GRID1: variants seen among roughly 807,000 people sequenced by gnomAD.
The protein encoded by GRID1 is glutamate ionotropic receptor delta type subunit 1.
In GRID1, 28 loss-of-function variants were observed where a neutral mutation model predicts 98.0. That is an observed-to-expected ratio of 0.29 (90% confidence interval 0.21 to 0.39). The LOEUF (loss-of-function observed/expected upper bound fraction) is 0.39, where lower values mean the gene tolerates loss of function less well. Among genes scored for constraint, GRID1 ranks in the 10% least tolerant of loss-of-function variants. GRID1 has a pLI of 1.00. For missense variants in GRID1, 1,111 were observed against 1,340.5 expected (o/e 0.83, Z 2.67); for synonymous variants, 553 against 538.5 (o/e 1.03, Z -0.37).
intron 8 of GRID1, among the ~76,000 whole-genome samples, chr10:85,791,524 T>C (rs1322855272): frequency 4.6e-5 from 7 of 152,108 alleles, no homozygotes; most frequent in Non-Finnish European, 1.0e-4. Context: ...CCCTACACTT[T>C]CTGAAACAGG....
intron 2 of GRID1, among the ~76,000 whole-genome samples, chr10:86,306,754 T>A (rs1486716280): frequency 6.6e-6 from 1 of 152,208 alleles, no homozygotes; most frequent in African/African-American, 2.4e-5. Flanking sequence ...CTGAGGACCA[T>A]GTTGACATTA....
At chr10:86,280,229 T>A (rs1847337529) in intron 2 of GRID1, among the ~76,000 whole-genome samples, 1 of 152,178 alleles carries the variant, frequency 6.6e-6, no homozygotes, top group African/African-American at 2.4e-5. Context: ...AAGATCAATA[T>A]ATAAAACTCA....
At chr10:85,983,876 G>A (rs937680883) in intron 4 of GRID1, among the ~76,000 whole-genome samples, 4 of 152,088 alleles carry the variant, frequency 2.6e-5, no homozygotes, top group African/African-American at 4.8e-5. Context: ...TAAAGAAAAG[G>A]CCCTTTCTTT....
At chr10:86,276,847 C>T (rs142596114) in intron 2 of GRID1, among the ~76,000 whole-genome samples, 328 of 151,394 alleles carry the variant, frequency 2.2e-3, no homozygotes, top group South Asian at 8.6e-3. Flanking sequence ...AGCAGTGGGA[C>T]GACATATTTC....
At chr10:86,150,197 G>A (rs994146669) in intron 3 of GRID1, among the ~76,000 whole-genome samples, 2 of 152,218 alleles carry the variant, frequency 1.3e-5, no homozygotes, top group Non-Finnish European at 2.9e-5. Context: ...GCCTCTCGGG[G>A]CAGGAGCAAG....
rs1843211411 is a variant in GRID1 at position 85,865,916 on chromosome 10, T to TATATATATATATATATATATATACAC, written c.951+3093_951+3094insGTGTATATATATATATATATATATAT. 1.6e-4 allele frequency among the ~76,000 whole-genome samples: 13 copies of TATATATATATATATATATATATACAC among 83,030 alleles called. 1 individual carries two copies. The highest frequency in any genetic ancestry group is 6.8e-3 in the Middle Eastern group (1 of 146). The allele number at this position is 83,030 out of a possible 152,430, so 54.5% of individuals were successfully genotyped here. A position where few individuals can be genotyped will look rare whatever the true frequency, so the allele number is the denominator to read the frequency against. Reference sequence around the variant, plus strand: ...ATAAAGTGTTTTACATATATACATATATATATATATATATATATATATATA... The same window carrying TATATATATATATATATATATATACAC: ...ATAAAGTGTTTTACATATATACATATATATATATATATATATATATATACACATATATATATATATATATATATATA... On this transcript the variant is annotated intron_variant, in intron 6 of 15. Coordinates refer to ENST00000327946, the MANE Select transcript of GRID1 (RefSeq NM_017551.3).
At chr10:85,728,629 T>A (rs180974292) in intron 9 of GRID1, among the ~76,000 whole-genome samples, 1 of 152,326 alleles carries the variant, frequency 6.6e-6, no homozygotes, top group Non-Finnish European at 1.5e-5. Flanking sequence ...TGCTCACACC[T>A]GCACATGTTG....
chr10:85,778,078 T>C (rs939698553), intron 8 of GRID1, among the ~76,000 whole-genome samples: 1 of 152,048 alleles, frequency 6.6e-6, no homozygotes, highest in Non-Finnish European at 1.5e-5. Context: ...ATTCAAGAGA[T>C]AAATAAAAGA....
intron 13 of GRID1, among the ~76,000 whole-genome samples, chr10:85,635,532 T>C (rs1350482209): frequency 6.6e-6 from 1 of 152,218 alleles, no homozygotes; most frequent in Admixed American, 6.5e-5. Flanking sequence ...TTCTTACTCA[T>C]TGAACATTTA....
chr10:86,165,324 T>A (rs867557297), intron 3 of GRID1, among the ~76,000 whole-genome samples: 22 of 152,244 alleles, frequency 1.4e-4, no homozygotes, highest in Admixed American at 1.2e-3. Flanking sequence ...GTTTCTATGT[T>A]GCTCGGCGCT....
chr10:85,949,992 GT>G (rs968214289), intron 4 of GRID1, among the ~76,000 whole-genome samples: 2 of 152,034 alleles, frequency 1.3e-5, no homozygotes, highest in African/African-American at 2.4e-5. Context: ...GGATAGATGG[GT>G]GACTGGATGA....
chr10:86,159,552 A>G (rs551580175), intron 3 of GRID1, among the ~76,000 whole-genome samples: 1 of 149,544 alleles, frequency 6.7e-6, no homozygotes, highest in African/African-American at 2.5e-5. Flanking sequence ...AGGTCTGTGT[A>G]AGTACACAGT....
intron 3 of GRID1, among the ~76,000 whole-genome samples, chr10:86,172,817 G>GA (rs1006098908): frequency 6.6e-6 from 1 of 151,702 alleles, no homozygotes; most frequent in Non-Finnish European, 1.5e-5. Flanking sequence ...GTATAACTAA[G>GA]AAAAAAATGC....
chr10:85,916,374 G>A lies in GRID1; in HGVS notation c.727-135C>T, dbSNP rs1461237246. The A allele has an allele frequency of 2.8e-6, 2 of 722,374 alleles. No individual in the cohort carries two copies. The highest frequency in any genetic ancestry group is 4.2e-5 in the Admixed American group (2 of 47,448). The allele number at this position is 722,374 out of a possible 1,614,324, so 44.7% of individuals were successfully genotyped here. A position where few individuals can be genotyped will look rare whatever the true frequency, so the allele number is the denominator to read the frequency against. ...CTCACAAAACATGCCATCCCCCTGG[G>A]GCCTGCTCTGGCTGCCTTAGCTGCA... On this transcript the variant is annotated intron_variant, in intron 4 of 15. Coordinates refer to ENST00000327946, the MANE Select transcript of GRID1 (RefSeq NM_017551.3). This position sits in a 1 kb window ranked among gnomAD's most constrained non-coding sequence, Gnocchi z 4.0.
At chr10:86,338,589 G>T (rs575630003) in intron 2 of GRID1, among the ~76,000 whole-genome samples, 1 of 152,170 alleles carries the variant, frequency 6.6e-6, no homozygotes, top group Non-Finnish European at 1.5e-5. Flanking sequence ...GGGGAGTCTC[G>T]CTCTATCCCC....
chr10:85,618,415 G>C (rs1842817353), intron 14 of GRID1, among the ~76,000 whole-genome samples: 1 of 152,174 alleles, frequency 6.6e-6, no homozygotes, highest in Non-Finnish European at 1.5e-5. Flanking sequence ...CGAACCTCAA[G>C]AACACCAACG....
At chr10:85,961,944 G>A (rs953183491) in intron 4 of GRID1, among the ~76,000 whole-genome samples, 7 of 151,562 alleles carry the variant, frequency 4.6e-5, no homozygotes, top group Non-Finnish European at 8.8e-5. Context: ...GAACAAAGGA[G>A]GGAAGGAAGG....
intron 4 of GRID1, among the ~76,000 whole-genome samples, chr10:86,124,192 G>C (rs1024477630): frequency 1.1e-4 from 16 of 152,194 alleles, no homozygotes; most frequent in African/African-American, 3.9e-4. Flanking sequence ...TCCCTTTCCA[G>C]ATCATGCTGC....
chr10:86,078,023 G>A (rs774566340), intron 4 of GRID1, among the ~76,000 whole-genome samples: 16 of 152,230 alleles, frequency 1.1e-4, no homozygotes, highest in Non-Finnish European at 1.6e-4. Context: ...CAGCCTGGCC[G>A]CTTTGAGACT....
Sources: gnomAD v4.1 joint callset for allele counts (sites outside exome capture counted in the v4.1 genomes callset) on GRCh38, gnomAD v4.1.1 for gene constraint, Gnocchi (gnomAD v3.1) non-coding constraint, MANE v1.5 for transcripts, NCBI Gene and HGNC (gene_info 2026-07-23, HGNC 2026-07-21) for gene names.